LRP1B: variants seen among roughly 807,000 people sequenced by gnomAD.
The protein encoded by LRP1B is LDL receptor related protein 1B, also known as low-density lipoprotein receptor-related protein 1B.
Under a neutral mutation model 556.6 loss-of-function variants are expected in LRP1B, and 217 were observed. That is an observed-to-expected ratio of 0.39 (90% CI 0.35 to 0.44). The LOEUF (loss-of-function observed/expected upper bound fraction) is 0.44. LRP1B is among the 20% of genes least tolerant of loss of function. The pLI is 1.00. For missense variants in LRP1B, 5,053 were observed against 5,620.8 expected (o/e 0.90, Z 3.23); for synonymous variants, 2,047 against 1,865.8 (o/e 1.10, Z -2.50).
Position 140,450,642 on chromosome 2 carries a change from T to G in LRP1B, c.9983A>C (p.Lys3328Thr). 1 of 1,611,232 alleles carries G rather than the reference T, an allele frequency of 6.2e-7. No homozygotes were observed. The highest frequency in any genetic ancestry group is 8.5e-7 in the Non-Finnish European group (1 of 1,178,860). The change falls in exon 63 of 91, where the codon AAA becomes ACA. Residue 3328 changes from lysine to threonine, a missense_variant. By Grantham distance (78) the Lys-to-Thr change is moderately conservative. Transcript: ENST00000389484. ...ACATTTCCACCAGAATGGAATACAT[T>G]TGTCAGTTTTGCAACGAAACTTAAA... Reference protein sequence around the residue: ...TASQFRCKTDKCIPFWWKCDT... With the variant: ...TASQFRCKTDTCIPFWWKCDT...
intron 23 of LRP1B, among the ~76,000 whole-genome samples, chr2:140,896,783 A>C (rs910137613): frequency 5.3e-5 from 8 of 150,676 alleles, no homozygotes; most frequent in Non-Finnish European, 8.9e-5. Context: ...GCCCAGCCAA[A>C]AGCCTGCTAT....
intron 7 of LRP1B, among the ~76,000 whole-genome samples, chr2:141,172,550 C>A (rs1009700427): frequency 6.6e-6 from 1 of 152,008 alleles, no homozygotes; most frequent in African/African-American, 2.4e-5. Context: ...CACAATCATA[C>A]TTTAGCCTTC....
chr2:140,851,742 A>G lies in LRP1B; in HGVS notation c.4621T>C (p.Ser1541Pro). 1 of 1,607,524 alleles carries G rather than the reference A, an allele frequency of 6.2e-7. No individual in the cohort carries two copies. The highest frequency in any genetic ancestry group is 8.5e-7 in the Non-Finnish European group (1 of 1,177,888). ...CAANDGKGPC[S>P]HMCLINHNRS... ...TTGTGATTGATTAGACACATGTGAG[A>G]GCAGGGGCCTTTGCCATCATTAGCT... Residue 1541 changes from serine (S) to proline (P), a missense_variant, in exon 28 of 91, where the codon TCT becomes CCT. Coordinates refer to ENST00000389484, the MANE Select transcript of LRP1B (RefSeq NM_018557.3).
At chr2:140,571,918 G>A (rs1681337057) in intron 43 of LRP1B, among the ~76,000 whole-genome samples, 3 of 151,738 alleles carry the variant, frequency 2.0e-5, no homozygotes, top group Admixed American at 2.0e-4. Flanking sequence ...TCAATAAGTG[G>A]TGTTGGGAAA....
intron 2 of LRP1B, among the ~76,000 whole-genome samples, chr2:141,526,481 C>T (rs1038561544): frequency 4.6e-5 from 7 of 151,978 alleles, no homozygotes; most frequent in African/African-American, 7.2e-5. Context: ...TTTGATTCCA[C>T]GTTGAAAAGA....
intron 3 of LRP1B, among the ~76,000 whole-genome samples, chr2:141,452,097 C>A (rs768283642): frequency 2.6e-5 from 4 of 152,080 alleles, no homozygotes; most frequent in African/African-American, 9.7e-5. Flanking sequence ...TAATTTAAGG[C>A]TGTATAAAAC....
intron 41 of LRP1B, among the ~76,000 whole-genome samples, chr2:140,654,211 C>T (rs1007025810): frequency 6.6e-6 from 1 of 151,842 alleles, no homozygotes; most frequent in African/African-American, 2.4e-5. Context: ...ATTTTCTTTA[C>T]CATGCTTTTC....
chr2:140,495,310 GTT>G (rs1688870964), intron 56 of LRP1B, among the ~76,000 whole-genome samples: 1 of 136,878 alleles, frequency 7.3e-6, no homozygotes, highest in Non-Finnish European at 1.6e-5. Flanking sequence ...GCTAGAGATA[GTT>G]CTTTTTTTTT....
intron 20 of LRP1B, among the ~76,000 whole-genome samples, chr2:140,932,886 T>TACACACACACACACACACAC (rs373649277): frequency 1.1e-3 from 141 of 127,560 alleles, no homozygotes; most frequent in African/African-American, 1.5e-3. Context: ...TCTCTCCCTA[T>TACACACACACACACACACAC]ACACACACAC....
intron 35 of LRP1B, among the ~76,000 whole-genome samples, chr2:140,718,294 G>A (rs191251009): frequency 1.5e-4 from 23 of 151,944 alleles, no homozygotes; most frequent in African/African-American, 5.1e-4. Flanking sequence ...TAAAAGCATC[G>A]GGATTGTCCT....
chr2:140,828,071 C>T (rs979474547), intron 31 of LRP1B, among the ~76,000 whole-genome samples: 9 of 151,888 alleles, frequency 5.9e-5, no homozygotes, highest in Non-Finnish European at 1.3e-4. Context: ...CAAACAAAAG[C>T]TGAGGGAACT....
chr2:140,469,603 G>A (rs1687682522), intron 60 of LRP1B, among the ~76,000 whole-genome samples: 2 of 152,160 alleles, frequency 1.3e-5, no homozygotes, highest in Admixed American at 1.3e-4. Flanking sequence ...TTGTTTTTGT[G>A]TGTTTTTTCC....
At chr2:141,946,222 C>T (rs1030496225) in intron 1 of LRP1B, among the ~76,000 whole-genome samples, 1 of 152,088 alleles carries the variant, frequency 6.6e-6, no homozygotes, top group Non-Finnish European at 1.5e-5. Context: ...TGCTCCATTC[C>T]CTTTATCTTC....
chr2:141,063,495 T>G (rs538671965), intron 7 of LRP1B, among the ~76,000 whole-genome samples: 3 of 151,940 alleles, frequency 2.0e-5, no homozygotes, highest in South Asian at 2.1e-4. Context: ...TTAAAAATGA[T>G]TTTTTCAAGT....
chr2:140,969,901 G>A (rs1696359515), intron 18 of LRP1B, among the ~76,000 whole-genome samples: 1 of 152,174 alleles, frequency 6.6e-6, no homozygotes, highest in Non-Finnish European at 1.5e-5. Context: ...CTGTTAGTCT[G>A]ATGGACTTCC....
chr2:140,627,212 C>A (rs545281085), intron 41 of LRP1B, among the ~76,000 whole-genome samples: 1 of 152,088 alleles, frequency 6.6e-6, no homozygotes, highest in African/African-American at 2.4e-5. Flanking sequence ...TGAGTGTCGA[C>A]TTGATTGGAT....
intron 18 of LRP1B, among the ~76,000 whole-genome samples, chr2:140,976,201 T>C (rs1390039974): frequency 6.6e-6 from 1 of 152,104 alleles, no homozygotes; most frequent in Non-Finnish European, 1.5e-5. Context: ...ATAACAGGCA[T>C]GAGCCACCAT....
intron 1 of LRP1B, among the ~76,000 whole-genome samples, chr2:141,823,437 C>T (rs1489354555): frequency 6.6e-6 from 1 of 151,990 alleles, no homozygotes; most frequent in East Asian, 1.9e-4. Flanking sequence ...ATTGTTTAGT[C>T]ACTGTGTGTT....
At chr2:141,517,271 C>CACACACACACAT (rs1448830774) in intron 2 of LRP1B, among the ~76,000 whole-genome samples, 2 of 151,056 alleles carry the variant, frequency 1.3e-5, no homozygotes, top group African/African-American at 4.9e-5. Flanking sequence ...CGCACACACA[C>CACACACACACAT]AGACACACAC....
Sources: gnomAD v4.1 joint callset for allele counts (sites outside exome capture counted in the v4.1 genomes callset) on GRCh38, gnomAD v4.1.1 for gene constraint, MANE v1.5 for transcripts, NCBI Gene and HGNC (gene_info 2026-07-23, HGNC 2026-07-21) for gene names.